The following MS4A8 variants were observed in gnomAD, a reference collection of about 807,000 sequenced individuals.
MS4A8 encodes membrane spanning 4-domains A8, also known as membrane-spanning 4-domains subfamily A member 8.
In MS4A8, 27 loss-of-function variants were observed where a neutral mutation model predicts 23.7. The ratio of observed to expected loss-of-function variants is 1.14; its 90% CI spans 0.84 to 1.57. The LOEUF is 1.57. MS4A8 is among the 40% of genes most tolerant of loss of function. The probability of loss-of-function intolerance (pLI) is 0.00; values close to 1 mark genes in which losing one functional copy is unlikely to be tolerated. For synonymous variants in MS4A8, 138 were observed against 126.3 expected, an observed-to-expected ratio of 1.09 and a Z score of -0.62; for missense variants, 301 against 311.4, an observed-to-expected ratio of 0.97 and a Z score of 0.25.
Position 60,700,844 on chromosome 11 carries a change from A to T in MS4A8, c.-1-16A>T. ...CATATGTGAGGGAAAATTCTCTCGC[A>T]TTTATTTCTTGGCAGCATGAATTCG... On this transcript the variant is annotated splice_polypyrimidine_tract_variant and intron_variant, in intron 1 of 6. Transcript: ENST00000300226. 1 of 1,613,924 alleles carries T rather than the reference A, an allele frequency of 6.2e-7. No individual in the cohort carries two copies. The highest frequency in any genetic ancestry group is 8.5e-7 in the Non-Finnish European group (1 of 1,179,766).
At position 60,715,025 on chromosome 11, in the gene MS4A8, C is replaced by G; in HGVS notation, c.539C>G (p.Pro180Arg). The change falls in exon 6 of 7, where the codon CCT becomes CGT. Residue 180 changes from proline to arginine, a missense_variant. Transcript: ENST00000300226. ...DYYPYAWGVNPGMAISGVLLV... is the reference protein window; with the variant it reads ...DYYPYAWGVNRGMAISGVLLV... ...CCCCATCTGCTCTGCCTACAGAACCCTGGAATGGCGATTTCTGGCGTGCTG... is the reference window on the plus strand; with the variant it reads ...CCCCATCTGCTCTGCCTACAGAACCGTGGAATGGCGATTTCTGGCGTGCTG... 6.2e-7 allele frequency: 1 copy of G among 1,613,684 alleles called. No individual in the cohort carries two copies. Among genetic ancestry groups the G allele is most frequent in the Non-Finnish European group, 8.5e-7 (1 of 1,179,604 alleles).
intron 1 of MS4A8, among the ~76,000 whole-genome samples, chr11:60,700,464 T>C: frequency 6.6e-6 from 1 of 152,098 alleles, no homozygotes; most frequent in East Asian, 1.9e-4. Context: ...GAGAATTGCT[T>C]GAACCTGGGA....
In MS4A8 at chr11:60,715,087, G is replaced by A. The variant is rs201465289; in HGVS notation, c.601G>A (p.Ala201Thr). ...CCTCCTGGAGTTTGGCATCGCATGC[G>A]CATCTTCCCACTTTGGCTGCCAGTT... ...FCLLEFGIAC[A>T]SSHFGCQLVC... The change falls in exon 6 of 7, where the codon GCA becomes ACA. Residue 201 changes from alanine to threonine, a missense_variant. Ala to Thr is a moderately conservative substitution (Grantham distance 58). Coordinates refer to ENST00000300226, the MANE Select transcript of MS4A8 (RefSeq NM_031457.2). 1.4e-5 allele frequency: 23 copies of A among 1,613,932 alleles called. No homozygotes were observed. The highest frequency in any genetic ancestry group is 1.9e-5 in the Non-Finnish European group (22 of 1,180,006).
chr11:60,709,819 T>C (rs2088285885), intron 5 of MS4A8, among the ~76,000 whole-genome samples: 1 of 152,228 alleles, frequency 6.6e-6, no homozygotes, highest in Admixed American at 6.5e-5. Context: ...TGCTTTTGTT[T>C]CTTAAAAAAC....
intron 3 of MS4A8, among the ~76,000 whole-genome samples, chr11:60,706,075 T>G (rs1038342439): frequency 6.6e-6 from 1 of 152,242 alleles, no homozygotes; most frequent in Non-Finnish European, 1.5e-5. Flanking sequence ...TGTTCTAACT[T>G]ACATTGTAGT....
chr11:60,700,557 A>T (rs1053557332), intron 1 of MS4A8, among the ~76,000 whole-genome samples: 1 of 151,980 alleles, frequency 6.6e-6, no homozygotes, highest in Non-Finnish European at 1.5e-5. Flanking sequence ...AAAAAAAATT[A>T]AAAAATAAAC....
Position 60,700,875 on chromosome 11 carries a change from T to G in MS4A8, c.15T>G (p.Thr5=). The change falls in exon 2 of 7, where the codon ACT becomes ACG. Residue 5 remains threonine (T), a synonymous_variant. Coordinates refer to ENST00000300226, the MANE Select transcript of MS4A8 (RefSeq NM_031457.2). MNSM[T]SAVPVANSVL... ...TTCTTGGCAGCATGAATTCGATGAC[T>G]TCAGCAGTTCCGGTGGCCAATTCTG... The G allele has an allele frequency of 6.2e-7, 1 of 1,614,218 alleles. No individual in the cohort carries two copies. The highest frequency in any genetic ancestry group is 1.1e-5 in the South Asian group (1 of 91,084).
chr11:60,704,522 G>A (rs901516055), intron 3 of MS4A8, among the ~76,000 whole-genome samples: 4 of 152,190 alleles, frequency 2.6e-5, no homozygotes, highest in African/African-American at 9.7e-5. Context: ...ACAAGCCTGA[G>A]CTCCAGGAGA....
intron 5 of MS4A8, among the ~76,000 whole-genome samples, chr11:60,711,311 CTTTTA>C (rs966540655): frequency 2.6e-5 from 4 of 152,172 alleles, no homozygotes; most frequent in African/African-American, 9.7e-5. Context: ...TGACCAGATC[CTTTTA>C]TCTTCAAGAG....
intron 5 of MS4A8, chr11:60,711,954 A>T: frequency 5.4e-6 from 2 of 373,198 alleles, no homozygotes; most frequent in South Asian, 3.9e-5. Flanking sequence ...GCAAATAATG[A>T]CCCAAGGAAT....
At chr11:60,703,999 G>T (rs1194959971) in intron 3 of MS4A8, among the ~76,000 whole-genome samples, 1 of 152,050 alleles carries the variant, frequency 6.6e-6, no homozygotes, top group African/African-American at 2.4e-5. Flanking sequence ...TACAGATTAG[G>T]GCTTCAATCT....
chr11:60,710,870 C>G (rs1193304920), intron 5 of MS4A8, among the ~76,000 whole-genome samples: 6 of 152,184 alleles, frequency 3.9e-5, no homozygotes, highest in Non-Finnish European at 7.3e-5. Context: ...CACCTTTGGG[C>G]CTGGAATGTT....
intron 3 of MS4A8, 97 bp downstream of exon 3, chr11:60,703,597 T>C: frequency 7.0e-7 from 1 of 1,428,162 alleles, no homozygotes; most frequent in Non-Finnish European, 9.5e-7. Flanking sequence ...CTGCAGAAGG[T>C]TCCCAGCCAC....
chr11:60,710,712 C>T (rs1259945402), intron 5 of MS4A8, among the ~76,000 whole-genome samples: 1 of 152,166 alleles, frequency 6.6e-6, no homozygotes, highest in African/African-American at 2.4e-5. Context: ...TGGCATCTTA[C>T]TCAGAAAAAA....
At chr11:60,712,240 C>T (rs1012648118) in intron 5 of MS4A8, 2 of 746,742 alleles carry the variant, frequency 2.7e-6, no homozygotes, top group Admixed American at 6.3e-5. Context: ...TCTCCCTCCT[C>T]AGTGCTCTGG....
Position 60,715,690 on chromosome 11 carries a change from A to C in MS4A8, c.*276A>C, listed in dbSNP as rs2088338296. 2.3e-6 allele frequency: 1 copy of C among 443,880 alleles called. No individual in the cohort carries two copies. Among genetic ancestry groups the C allele is most frequent in the Admixed American group, 3.8e-5 (1 of 26,246 alleles). The allele number at this position is 443,880 out of a possible 1,614,324, so 27.5% of individuals were successfully genotyped here. Reference sequence around the variant, plus strand: ...GGCATCCAGCCTCTGGGGCCTTGGCACACACACATTCGTGTGCTCTGCTGC... The same window carrying C: ...GGCATCCAGCCTCTGGGGCCTTGGCCCACACACATTCGTGTGCTCTGCTGC... On this transcript the variant is annotated 3_prime_UTR_variant, in exon 7 of 7. Coordinates refer to ENST00000300226, the MANE Select transcript of MS4A8 (RefSeq NM_031457.2).
chr11:60,705,946 T>C (rs1352865233), intron 3 of MS4A8, among the ~76,000 whole-genome samples: 1 of 152,210 alleles, frequency 6.6e-6, no homozygotes, highest in Admixed American at 6.5e-5. Flanking sequence ...AGAGTAATAC[T>C]GCTTGATGGG....
At chr11:60,705,492 C>T (rs373373743) in intron 3 of MS4A8, among the ~76,000 whole-genome samples, 28 of 152,228 alleles carry the variant, frequency 1.8e-4, no homozygotes, top group African/African-American at 6.3e-4. Flanking sequence ...CCAGGACTGT[C>T]TTTCTATTTC....
At chr11:60,712,071 A>T in intron 5 of MS4A8, 1 of 274,282 alleles carries the variant, frequency 3.6e-6, no homozygotes, top group Non-Finnish European at 7.1e-6. Context: ...GTGTAAAAAA[A>T]TTTTATTTAA....
Sources: gnomAD v4.1 joint callset for allele counts (sites outside exome capture counted in the v4.1 genomes callset) on GRCh38, gnomAD v4.1.1 for gene constraint, MANE v1.5 for transcripts, NCBI Gene and HGNC (gene_info 2026-07-23, HGNC 2026-07-21) for gene names.